The following SIL1 variants were observed in gnomAD, a reference collection of about 807,000 sequenced individuals.
The protein encoded by SIL1 is nucleotide exchange factor SIL1.
SIL1 carries 40 observed loss-of-function variants against 49.1 expected under a neutral mutation model. The ratio of observed to expected loss-of-function variants is 0.81; its 90% CI spans 0.63 to 1.06. The LOEUF (loss-of-function observed/expected upper bound fraction) is 1.06. Among genes scored for constraint, SIL1 ranks in the 50% least tolerant of loss-of-function variants. The probability of loss-of-function intolerance (pLI) is 0.00; values close to 1 mark genes in which losing one functional copy is unlikely to be tolerated. For missense variants in SIL1, 500 were observed against 572.6 expected (o/e 0.87, Z 1.29); for synonymous variants, 253 against 250.8 (o/e 1.01, Z -0.08).
chr5:139,059,887 T>C (rs1456646405), intron 3 of SIL1, among the ~76,000 whole-genome samples: 1 of 152,252 alleles, frequency 6.6e-6, no homozygotes, highest in African/African-American at 2.4e-5. Flanking sequence ...GCTCTTATTA[T>C]CTACAATATA....
chr5:139,106,866 C>T lies in SIL1; in HGVS notation c.244+14169G>A, dbSNP rs13164234. ...TGGCAGGAAAGAAAATAATAAATTA[C>T]TGCAAAGGCTTGAAATTATTTTTCT... is the stretch of plus-strand genomic sequence containing the variant. On this transcript the variant is annotated intron_variant, in intron 3 of 9. Transcript: ENST00000394817. 6.2e-3 allele frequency among the ~76,000 whole-genome samples: 951 copies of T among 152,354 alleles called. 13 individuals are homozygous for T. Among genetic ancestry groups the T allele is most frequent in the South Asian group, 0.026 (125 of 4,828 alleles).
chr5:139,104,054 G>A (rs1014468792), intron 3 of SIL1, among the ~76,000 whole-genome samples: 1 of 152,192 alleles, frequency 6.6e-6, no homozygotes, highest in African/African-American at 2.4e-5. Context: ...CTTCCTATTG[G>A]CTAGGTTAAA....
intron 3 of SIL1, among the ~76,000 whole-genome samples, chr5:139,063,290 T>A (rs1769635977): frequency 6.6e-6 from 1 of 152,204 alleles, no homozygotes; most frequent in African/African-American, 2.4e-5. Flanking sequence ...TACTCACTCC[T>A]TCCACCAGCC....
rs79027719 is a variant in SIL1, at chr5:139,159,599, T to C, written c.-10-31746A>G. Among the ~76,000 whole-genome samples, 1,160 of 152,344 alleles carry C rather than the reference T, an allele frequency of 7.6e-3. 5 individuals are homozygous for C. Among genetic ancestry groups the C allele is most frequent in the African/African-American group, 0.016 (663 of 41,576 alleles). ...TCACTAATTGTACCTCTTTCAAAGTTTCCAGAATTTTGCTGCAATGGAGGG... is the reference window on the plus strand; with the variant it reads ...TCACTAATTGTACCTCTTTCAAAGTCTCCAGAATTTTGCTGCAATGGAGGG... On this transcript the variant is annotated intron_variant, in intron 1 of 9. Transcript: ENST00000394817.
At chr5:139,128,093 C>T (rs1750790690) in intron 1 of SIL1, 1 of 527,736 alleles carries the variant, frequency 1.9e-6, no homozygotes, top group African/African-American at 1.9e-5. Context: ...CCTGCATAAG[C>T]TATTACAGCC....
At chr5:139,032,903 T>A (rs948681239) in intron 5 of SIL1, 1 of 152,272 alleles carries the variant, frequency 6.6e-6, no homozygotes, top group Admixed American at 6.5e-5. Context: ...GGATCTGTAA[T>A]GATATTCCTG....
At chr5:139,027,137 A>G in intron 5 of SIL1, 145 bp from the exon 6 acceptor site, 1 of 765,304 alleles carries the variant, frequency 1.3e-6, no homozygotes, top group South Asian at 1.6e-5. Flanking sequence ...AAATACTAAT[A>G]CTTTCTAAGA....
chr5:139,110,532 T>C (rs1241949783), intron 3 of SIL1, among the ~76,000 whole-genome samples: 7 of 152,182 alleles, frequency 4.6e-5, no homozygotes, highest in Admixed American at 4.6e-4. Context: ...CCACATATTA[T>C]GGGAAATAAG....
intron 3 of SIL1, among the ~76,000 whole-genome samples, chr5:139,075,662 T>C (rs1237633226): frequency 6.6e-6 from 1 of 152,196 alleles, no homozygotes; most frequent in African/African-American, 2.4e-5. Flanking sequence ...GGGGAATAAA[T>C]GTCAAGGTAA....
intron 1 of SIL1, among the ~76,000 whole-genome samples, chr5:139,177,224 G>A (rs1366865357): frequency 6.6e-6 from 1 of 150,954 alleles, no homozygotes; most frequent in African/African-American, 2.4e-5. Context: ...GAGCCACCAC[G>A]CCTGGCCTTT....
intron 5 of SIL1, among the ~76,000 whole-genome samples, chr5:139,030,896 A>G (rs935674233): frequency 2.0e-5 from 3 of 152,220 alleles, no homozygotes; most frequent in Admixed American, 1.3e-4. Flanking sequence ...ATAGCAATGT[A>G]GTTGCTTTAA....
At chr5:139,055,127 T>G (rs1393529844) in intron 3 of SIL1, among the ~76,000 whole-genome samples, 1 of 152,178 alleles carries the variant, frequency 6.6e-6, no homozygotes, top group Non-Finnish European at 1.5e-5. Flanking sequence ...CAAACAGGCC[T>G]GCAAAGCCTA....
chr5:139,026,149 T>C (rs1195293837), intron 6 of SIL1, among the ~76,000 whole-genome samples: 2 of 152,240 alleles, frequency 1.3e-5, no homozygotes, highest in African/African-American at 2.4e-5. Context: ...GGAGCCCTCA[T>C]TACAATCTTA....
intron 6 of SIL1, among the ~76,000 whole-genome samples, chr5:139,025,354 G>C (rs530272555): frequency 1.1e-4 from 17 of 152,248 alleles, no homozygotes; most frequent in African/African-American, 4.1e-4. Context: ...CACTAGGCTG[G>C]ATGATCTTGA....
At chr5:139,038,741 GGA>G (rs1297107484) in intron 5 of SIL1, among the ~76,000 whole-genome samples, 1 of 152,188 alleles carries the variant, frequency 6.6e-6, no homozygotes, top group Non-Finnish European at 1.5e-5. Flanking sequence ...CACTTTGGCG[GGA>G]GAATCGAGCA....
intron 3 of SIL1, among the ~76,000 whole-genome samples, chr5:139,076,812 A>G (rs150655298): frequency 1.3e-5 from 2 of 152,266 alleles, no homozygotes; most frequent in African/African-American, 4.8e-5. Flanking sequence ...ACTGAGCAAC[A>G]AAAGAGTCAC....
At chr5:139,169,246 G>C (rs1751684888) in intron 1 of SIL1, among the ~76,000 whole-genome samples, 1 of 152,176 alleles carries the variant, frequency 6.6e-6, no homozygotes, top group Non-Finnish European at 1.5e-5. Context: ...GCTCAAAAGA[G>C]ACCTGAGAAG....
At chr5:139,053,715 C>T (rs949797756) in intron 3 of SIL1, among the ~76,000 whole-genome samples, 7 of 152,156 alleles carry the variant, frequency 4.6e-5, no homozygotes, top group Non-Finnish European at 1.0e-4. Flanking sequence ...TCTGCTGTTC[C>T]CTTTGTCCAG....
chr5:139,041,832 A>C (rs968993275), intron 5 of SIL1, among the ~76,000 whole-genome samples: 3 of 151,868 alleles, frequency 2.0e-5, no homozygotes, highest in African/African-American at 7.3e-5. Context: ...AAAAAAAAAA[A>C]ACAAAAAAAA....
Sources: gnomAD v4.1 joint callset for allele counts (sites outside exome capture counted in the v4.1 genomes callset) on GRCh38, gnomAD v4.1.1 for gene constraint, MANE v1.5 for transcripts, NCBI Gene and HGNC (gene_info 2026-07-23, HGNC 2026-07-21) for gene names.